Variants in TTC7B observed in about 807,000 individuals in gnomAD.
The protein encoded by TTC7B is tetratricopeptide repeat protein 7B.
TTC7B carries 28 observed loss-of-function variants against 106.8 expected under a neutral mutation model. That is an observed-to-expected ratio of 0.26 (90% CI 0.19 to 0.36). The LOEUF is 0.36. Ranked by LOEUF, TTC7B falls within the 10% of genes least tolerant of loss-of-function variation. TTC7B has a pLI of 1.00. For missense variants in TTC7B, 862 were observed against 1,076.4 expected (o/e 0.80, Z 2.79); for synonymous variants, 405 against 430.6 (o/e 0.94, Z 0.74).
chr14:90,727,870 C>T (rs1193966031), intron 5 of TTC7B, among the ~76,000 whole-genome samples: 3 of 152,172 alleles, frequency 2.0e-5, no homozygotes, highest in Admixed American at 6.5e-5. Context: ...CAACTGGGAG[C>T]AAGTACCTCA....
intron 4 of TTC7B, among the ~76,000 whole-genome samples, chr14:90,741,388 C>T (rs564456840): frequency 2.2e-4 from 33 of 152,296 alleles, no homozygotes; most frequent in Admixed American, 1.0e-3. Context: ...TAAAGTTAAA[C>T]GCCAGGACTA....
intron 5 of TTC7B, among the ~76,000 whole-genome samples, chr14:90,728,559 C>A (rs546949429): frequency 6.6e-6 from 1 of 152,242 alleles, no homozygotes; most frequent in Non-Finnish European, 1.5e-5. Flanking sequence ...TGTAATCCAT[C>A]ACCTAGTGCA....
intron 1 of TTC7B, among the ~76,000 whole-genome samples, chr14:90,806,890 G>A (rs1595053697): frequency 1.4e-5 from 2 of 142,256 alleles, no homozygotes; most frequent in Admixed American, 1.5e-4. Flanking sequence ...CTGAGCGACA[G>A]AGTGACACCC....
At chr14:90,725,234 C>G (rs1357592464) in intron 5 of TTC7B, among the ~76,000 whole-genome samples, 4 of 152,208 alleles carry the variant, frequency 2.6e-5, no homozygotes, top group Non-Finnish European at 5.9e-5. Flanking sequence ...CTAAGTTGCT[C>G]AAGCACCAAG....
intron 15 of TTC7B, among the ~76,000 whole-genome samples, chr14:90,632,964 C>T (rs192721909): frequency 4.9e-4 from 75 of 152,326 alleles, no homozygotes; most frequent in Admixed American, 3.7e-3. Flanking sequence ...TATATGTTCA[C>T]TTCTTCCCAT....
rs137992190 is a variant in TTC7B at position 90,530,359 on chromosome 14, G to A, written c.*11009C>T. 2 of 152,308 alleles carry A rather than the reference G, an allele frequency of 1.3e-5. No individual in the cohort carries two copies. Among genetic ancestry groups the A allele is most frequent in the East Asian group, 3.9e-4 (2 of 5,184 alleles). The allele number at this position is 152,308 out of a possible 1,614,324, so 9.4% of individuals were successfully genotyped here. ...TGAGCGCTAAATAGTGGAATTTAAT[G>A]ATCTTAGTCTTCGTATGTCTGAAAT... On this transcript the variant is annotated 3_prime_UTR_variant, in exon 20 of 20. Transcript: ENST00000328459.
intron 5 of TTC7B, among the ~76,000 whole-genome samples, chr14:90,708,962 A>C (rs1888322828): frequency 6.6e-6 from 1 of 151,262 alleles, no homozygotes; most frequent in Admixed American, 6.6e-5. Context: ...CCATCAGAGA[A>C]ATGCAAATCA....
At chr14:90,767,117 G>A (rs1890715640) in intron 3 of TTC7B, 3 of 599,344 alleles carry the variant, frequency 5.0e-6, no homozygotes, top group South Asian at 2.1e-5. Context: ...ACTTTGGGAG[G>A]CTGAGGCAGG....
At position 90,577,267 on chromosome 14, in the gene TTC7B, C is replaced by T. The variant is rs1891295148; in HGVS notation, c.2310+839G>A. On this transcript the variant is annotated intron_variant, in intron 19 of 19. Transcript: ENST00000328459. The surrounding 1 kb of genome is among the most constrained non-coding windows in gnomAD (Gnocchi z 5.0). Reference sequence around the variant, plus strand: ...CACGGCTTTTCACAAGCTCCTCAGACCCTGGTAACTTGTGAGTTTCAATTC... The same window carrying T: ...CACGGCTTTTCACAAGCTCCTCAGATCCTGGTAACTTGTGAGTTTCAATTC... Among the ~76,000 whole-genome samples, 1 of 152,342 alleles carries T rather than the reference C, an allele frequency of 6.6e-6. No homozygotes were observed. Among genetic ancestry groups the T allele is most frequent in the Middle Eastern group, 3.4e-3 (1 of 292 alleles).
chr14:90,733,762 C>T (rs1889414507), intron 4 of TTC7B, among the ~76,000 whole-genome samples: 1 of 152,208 alleles, frequency 6.6e-6, no homozygotes, highest in Non-Finnish European at 1.5e-5. Context: ...CTGGTTCTGA[C>T]ACTGCTCACC....
chr14:90,567,452 A>C (rs980062719), intron 19 of TTC7B: 2 of 152,154 alleles, frequency 1.3e-5, no homozygotes, highest in Non-Finnish European at 2.9e-5. Flanking sequence ...CTGCATGACC[A>C]CGAGACCTAG....
intron 1 of TTC7B, among the ~76,000 whole-genome samples, chr14:90,810,694 C>G (rs915519467): frequency 3.9e-5 from 6 of 152,212 alleles, no homozygotes; most frequent in Non-Finnish European, 5.9e-5. Flanking sequence ...CTTGACAGCA[C>G]AGTTTGAAAA....
intron 1 of TTC7B, among the ~76,000 whole-genome samples, chr14:90,814,897 C>T (rs2031088835): frequency 6.6e-6 from 1 of 152,176 alleles, no homozygotes; most frequent in Admixed American, 6.5e-5. Flanking sequence ...CACCATGGCA[C>T]CTGCGTTCAC....
intron 18 of TTC7B, among the ~76,000 whole-genome samples, chr14:90,593,162 A>T (rs933645082): frequency 1.3e-5 from 2 of 152,332 alleles, no homozygotes; most frequent in East Asian, 1.9e-4. Flanking sequence ...TCACTCACAA[A>T]GACAGTCTCT....
At chr14:90,645,316 G>A (rs1037752245) in intron 14 of TTC7B, among the ~76,000 whole-genome samples, 8 of 152,156 alleles carry the variant, frequency 5.3e-5, no homozygotes, top group Non-Finnish European at 1.2e-4. Flanking sequence ...TTTCTGCTTT[G>A]GAACCATAGA....
rs906483115 is a variant in TTC7B, at chr14:90,630,935, C to T, written c.1752-12890G>A. ...CTGCAAGCTCTGCCTCCTGGCTTCACGCCATTCTCCTGCCTCAGCCTCCCG... is the reference window on the plus strand; with the variant it reads ...CTGCAAGCTCTGCCTCCTGGCTTCATGCCATTCTCCTGCCTCAGCCTCCCG... On this transcript the variant is annotated intron_variant, in intron 15 of 19. Transcript: ENST00000328459. 2.4e-4 allele frequency among the ~76,000 whole-genome samples: 37 copies of T among 151,518 alleles called. 1 individual carries two copies. In the East Asian group the frequency reaches 4.5e-3, roughly 18 times the overall value.
intron 19 of TTC7B, among the ~76,000 whole-genome samples, chr14:90,544,684 C>T (rs534925526): frequency 2.6e-5 from 4 of 152,310 alleles, no homozygotes; most frequent in Middle Eastern, 3.4e-3. Flanking sequence ...CACCCGAGAA[C>T]GTTCCAACGT....
chr14:90,806,112 C>T (rs891122855), intron 1 of TTC7B, among the ~76,000 whole-genome samples: 1 of 152,248 alleles, frequency 6.6e-6, no homozygotes, highest in Non-Finnish European at 1.5e-5. Flanking sequence ...GACACTGTTA[C>T]TGGTGGTTGG....
chr14:90,630,838 G>GT lies in TTC7B; in HGVS notation c.1752-12794dup, dbSNP rs139299361. ...AGAATGTCCTTCTATCTTGTTTTTT[G>GT]TTTTTTTTTTTTTTGAGATGGAGTC... On this transcript the variant is annotated intron_variant, in intron 15 of 19. Coordinates refer to ENST00000328459, the MANE Select transcript of TTC7B (RefSeq NM_001010854.2). Among the ~76,000 whole-genome samples the GT allele has an allele frequency of 4.1e-3, 379 of 92,586 alleles. 1 individual carries two copies. The highest frequency in any genetic ancestry group is 7.6e-3 in the East Asian group (36 of 4,750). 60.7% of individuals were successfully genotyped at this position (92,586 alleles called of 152,430 possible).
Sources: gnomAD v4.1 joint callset for allele counts (sites outside exome capture counted in the v4.1 genomes callset) on GRCh38, gnomAD v4.1.1 for gene constraint, Gnocchi (gnomAD v3.1) non-coding constraint, MANE v1.5 for transcripts, NCBI Gene and HGNC (gene_info 2026-07-23, HGNC 2026-07-21) for gene names.